Variants in FAM13A observed in about 807,000 individuals in gnomAD.
FAM13A encodes protein FAM13A.
FAM13A carries 76 observed loss-of-function variants against 129.6 expected under a neutral mutation model. The observed-to-expected ratio is 0.59, with a 90% CI of 0.49 to 0.71. The LOEUF (loss-of-function observed/expected upper bound fraction) is 0.71. FAM13A is among the 30% of genes least tolerant of loss of function. The probability of loss-of-function intolerance (pLI) is 0.00; values close to 1 mark genes in which losing one functional copy is unlikely to be tolerated. For synonymous variants in FAM13A, 443 were observed against 449.9 expected (o/e 0.98, Z 0.20); for missense variants, 1,108 against 1,249.3 (o/e 0.89, Z 1.70).
At position 88,747,823 on chromosome 4, in the gene FAM13A, G is replaced by C. The variant is rs200286384; in HGVS notation, c.2190C>G (p.Asp730Glu). ...KESKLKISEEDLTPRMRQRSN... is the reference protein window; with the variant it reads ...KESKLKISEEELTPRMRQRSN... ...TTCGCTGCCGCATCCTGGGAGTTAG[G>C]TCCTCTTCAGATATCTTTAGTTTTG... Residue 730 changes from aspartate (D) to glutamate (E), a missense_variant, in exon 18 of 24, where the codon GAC becomes GAG. By Grantham distance (45) the Asp-to-Glu change is conservative. Around this residue, in one of 3 missense-constraint regions of FAM13A, gnomAD observed 529 missense variants for 621.2 expected, o/e 0.85. Transcript: ENST00000264344. 5.6e-6 allele frequency: 9 copies of C among 1,613,578 alleles called. No individual in the cohort carries two copies. The African/African-American group carries it at 1.1e-4, about 19-fold the overall frequency.
At chr4:88,812,848 G>A (rs1247584425) in intron 7 of FAM13A, among the ~76,000 whole-genome samples, 1 of 152,196 alleles carries the variant, frequency 6.6e-6, no homozygotes, top group Non-Finnish European at 1.5e-5. Flanking sequence ...TTTGCTGAGT[G>A]CTTGCAGTAG....
chr4:88,945,624 C>T (rs910896683), intron 4 of FAM13A, among the ~76,000 whole-genome samples: 5 of 151,708 alleles, frequency 3.3e-5, no homozygotes, highest in East Asian at 1.9e-4. Flanking sequence ...GTGCACCTAG[C>T]GGGAAGCTTT....
chr4:88,798,054 T>C (rs1726589742), intron 8 of FAM13A, among the ~76,000 whole-genome samples: 1 of 152,188 alleles, frequency 6.6e-6, no homozygotes. Context: ...CCTGGGAAGG[T>C]AGATTGTTCT....
chr4:89,043,391 C>A (rs1446528457), intron 1 of FAM13A, among the ~76,000 whole-genome samples: 1 of 152,090 alleles, frequency 6.6e-6, no homozygotes, highest in African/African-American at 2.4e-5. Flanking sequence ...GATGGGCAAA[C>A]AGAGGGGCTG....
chr4:88,945,990 G>GTGTGTGTATGTATATATATA, intron 4 of FAM13A, among the ~76,000 whole-genome samples: 1 of 61,966 alleles, frequency 1.6e-5, no homozygotes, highest in African/African-American at 8.6e-5. Context: ...GTGTGTGTGT[G>GTGTGTGTATGTATATATATA]TATATATATA....
chr4:88,832,360 T>A (rs978194981), intron 7 of FAM13A, among the ~76,000 whole-genome samples: 2 of 152,052 alleles, frequency 1.3e-5, no homozygotes, highest in Non-Finnish European at 2.9e-5. Context: ...CCAAAAGCAA[T>A]TGCAACAAAA....
chr4:88,850,210 A>G (rs1172851501), intron 7 of FAM13A, among the ~76,000 whole-genome samples: 1 of 152,204 alleles, frequency 6.6e-6, no homozygotes, highest in African/African-American at 2.4e-5. Flanking sequence ...CTAGTAGTAA[A>G]TAAAATTCAA....
At chr4:89,002,363 G>C (rs1244682459) in intron 3 of FAM13A, among the ~76,000 whole-genome samples, 3 of 152,074 alleles carry the variant, frequency 2.0e-5, no homozygotes, top group Non-Finnish European at 4.4e-5. Context: ...TTAGTCTCCG[G>C]GTAATATCAA....
At chr4:88,969,224 T>C (rs1019039064) in intron 4 of FAM13A, among the ~76,000 whole-genome samples, 1 of 152,178 alleles carries the variant, frequency 6.6e-6, no homozygotes, top group African/African-American at 2.4e-5. Flanking sequence ...AAGAAAAAGA[T>C]AAGACTCCAG....
At position 88,733,434 on chromosome 4, in the gene FAM13A, C is replaced by T. The variant is rs114352757; in HGVS notation, c.2647-1236G>A. ...ATTGTTAAAAACATTTAAAAGTTTA[C>T]AAAGTAAAATTGACTTTTTAAATGA... On this transcript the variant is annotated intron_variant, in intron 21 of 23. Coordinates refer to ENST00000264344, the MANE Select transcript of FAM13A (RefSeq NM_014883.4). 4.0e-3 allele frequency among the ~76,000 whole-genome samples: 611 copies of T among 152,276 alleles called. 9 individuals are homozygous for T. Among genetic ancestry groups the T allele is most frequent in the African/African-American group, 0.014 (584 of 41,562 alleles).
intron 15 of FAM13A, 120 bp downstream of exon 15, chr4:88,750,304 A>G: frequency 1.3e-6 from 1 of 793,596 alleles, no homozygotes; most frequent in Middle Eastern, 2.7e-4. Context: ...AGAATTTCAA[A>G]TATGTTGCTC....
intron 10 of FAM13A, among the ~76,000 whole-genome samples, chr4:88,781,706 T>C (rs535947320): frequency 7.2e-5 from 11 of 151,948 alleles, no homozygotes; most frequent in Non-Finnish European, 1.6e-4. Context: ...ATTTAAAATT[T>C]ATAAATTCAT....
chr4:88,821,191 C>G (rs1369970614), intron 7 of FAM13A, among the ~76,000 whole-genome samples: 1 of 152,192 alleles, frequency 6.6e-6, no homozygotes, highest in Non-Finnish European at 1.5e-5. Flanking sequence ...GACAACCGCA[C>G]AAACCTGGTC....
At chr4:89,051,840 C>T (rs1472306919) in intron 1 of FAM13A, among the ~76,000 whole-genome samples, 5 of 152,182 alleles carry the variant, frequency 3.3e-5, no homozygotes, top group Middle Eastern at 3.2e-3. Context: ...GATCTTAAGG[C>T]TCAAGAATAA....
chr4:88,897,251 T>C (rs1746509420), intron 6 of FAM13A, among the ~76,000 whole-genome samples: 1 of 152,164 alleles, frequency 6.6e-6, no homozygotes, highest in African/African-American at 2.4e-5. Context: ...CTCCAATTAT[T>C]TGTTGGCATA....
intron 4 of FAM13A, among the ~76,000 whole-genome samples, chr4:88,968,004 C>T (rs1759573216): frequency 6.6e-6 from 1 of 152,132 alleles, no homozygotes; most frequent in African/African-American, 2.4e-5. Flanking sequence ...GTCATACTGA[C>T]TTTTCCTGTT....
At chr4:89,004,217 C>A (rs1764680803) in intron 3 of FAM13A, among the ~76,000 whole-genome samples, 1 of 152,206 alleles carries the variant, frequency 6.6e-6, no homozygotes, top group Admixed American at 6.5e-5. Flanking sequence ...CAGCTCATTG[C>A]AATCTCCACC....
chr4:88,843,061 G>A (rs1451081543), intron 7 of FAM13A, among the ~76,000 whole-genome samples: 1 of 152,108 alleles, frequency 6.6e-6, no homozygotes, highest in Admixed American at 6.5e-5. Context: ...TTTTTTCATG[G>A]GAGCTAGTGG....
rs898550706 is a variant in FAM13A at position 88,747,032 on chromosome 4, A to C, written c.2383-17T>G. On this transcript the variant is annotated splice_polypyrimidine_tract_variant and intron_variant, in intron 18 of 23. Coordinates refer to ENST00000264344, the MANE Select transcript of FAM13A (RefSeq NM_014883.4). The stretch of plus-strand genomic sequence containing the variant: ...GGTCATATCCTGTATAAACACAGGG[A>C]TAGAGAATTGAAAGAGAGGAAAATG... 1 of 1,531,358 alleles carries C rather than the reference A, an allele frequency of 6.5e-7. No individual in the cohort carries two copies. Among genetic ancestry groups the C allele is most frequent in the African/African-American group, 1.4e-5 (1 of 73,212 alleles). 94.9% of individuals were successfully genotyped at this position (1,531,358 alleles called of 1,614,324 possible).
Sources: gnomAD v4.1 joint callset for allele counts (sites outside exome capture counted in the v4.1 genomes callset) on GRCh38, gnomAD v4.1.1 for gene constraint, gnomAD v4.1.1 regional missense constraint, MANE v1.5 for transcripts, NCBI Gene and HGNC (gene_info 2026-07-23, HGNC 2026-07-21) for gene names.